UBE2J2: variants seen among roughly 807,000 people sequenced by gnomAD.
UBE2J2 encodes the protein ubiquitin-conjugating enzyme E2 J2.
UBE2J2 carries 5 observed loss-of-function variants against 28.6 expected under a neutral mutation model. The observed-to-expected ratio is 0.17, with a 90% CI of 0.09 to 0.37. The LOEUF (loss-of-function observed/expected upper bound fraction) is 0.37, where lower values mean the gene tolerates loss of function less well. Among genes scored for constraint, UBE2J2 ranks in the 10% least tolerant of loss-of-function variants. The probability of loss-of-function intolerance (pLI) is 1.00; values close to 1 mark genes in which losing one functional copy is unlikely to be tolerated. For synonymous variants in UBE2J2, 138 were observed against 139.7 expected, an observed-to-expected ratio of 0.99 and a Z score of 0.09; for missense variants, 226 against 338.9, an observed-to-expected ratio of 0.67 and a Z score of 2.62.
chr1:1,257,405 CCCCTCA>C, intron 3 of UBE2J2, 95 bp from the exon 4 acceptor site: 1 of 602,404 alleles, frequency 1.7e-6, no homozygotes, highest in South Asian at 2.2e-5. Flanking sequence ...CCCCCCCCCC[CCCCTCA>C]GCTCGGCTCC....
intron 6 of UBE2J2, 126 bp downstream of exon 6, chr1:1,255,919 T>TG: frequency 4.0e-6 from 3 of 750,858 alleles, no homozygotes; most frequent in Non-Finnish European, 4.6e-6. Context: ...TCGGGGCTCC[T>TG]GGGGGAGAGG....
In UBE2J2 at chr1:1,272,711, T is replaced by A. The variant is rs551464344; in HGVS notation, c.-1+955A>T. On this transcript the variant is annotated intron_variant, in intron 1 of 6. Transcript: ENST00000349431. ...CCTACCTGCCTGGCTCACCTGCCTGTCACTCACGCACATCCCTGCCGAGAG... is the reference window on the plus strand; with the variant it reads ...CCTACCTGCCTGGCTCACCTGCCTGACACTCACGCACATCCCTGCCGAGAG... 2.0e-4 allele frequency: 39 copies of A among 192,502 alleles called. No individual in the cohort carries two copies. In the South Asian group the frequency reaches 2.4e-3, roughly 12 times the overall value. 11.9% of individuals were successfully genotyped at this position (192,502 alleles called of 1,614,324 possible). A position where few individuals can be genotyped will look rare whatever the true frequency, so the allele number is the denominator to read the frequency against.
rs192701329 is a variant in UBE2J2, at chr1:1,256,803, G to A, written c.414+189C>T. ...TGGGAGGCTGAGACAGGAGAATGGC[G>A]TGAACCCCGGGGGGCGGAGCTTGCA... is the stretch of plus-strand genomic sequence containing the variant. On this transcript the variant is annotated intron_variant, in intron 5 of 6. Coordinates refer to ENST00000349431, the MANE Select transcript of UBE2J2 (RefSeq NM_058167.3). Among the ~76,000 whole-genome samples, 542 of 150,834 alleles carry A rather than the reference G, an allele frequency of 3.6e-3. 8 individuals carry two copies. Among genetic ancestry groups the A allele is most frequent in the African/African-American group, 0.013 (519 of 40,968 alleles).
At chr1:1,257,603 G>GCTA (rs1639280889) in intron 3 of UBE2J2, among the ~76,000 whole-genome samples, 1 of 147,756 alleles carries the variant, frequency 6.8e-6, no homozygotes, top group Admixed American at 6.8e-5. Flanking sequence ...GACAACCACA[G>GCTA]CTACTGCACA....
Position 1,273,817 on chromosome 1 carries a change from G to C in UBE2J2, c.-152C>G, listed in dbSNP as rs977157692. 6.5e-6 allele frequency: 1 copy of C among 153,694 alleles called. No individual in the cohort carries two copies. Among genetic ancestry groups the C allele is most frequent in the African/African-American group, 2.4e-5 (1 of 41,436 alleles). The allele number at this position is 153,694 out of a possible 1,614,324, so 9.5% of individuals were successfully genotyped here. ...AACCCGCCGCAGCGCCGCCGCCGCC[G>C]CCTCAGCCTCCAAGATGGCCGCTCG... is the stretch of plus-strand genomic sequence containing the variant. On this transcript the variant is annotated 5_prime_UTR_variant, in exon 1 of 7. Coordinates refer to ENST00000349431, the MANE Select transcript of UBE2J2 (RefSeq NM_058167.3).
intron 3 of UBE2J2, chr1:1,262,295 G>T: frequency 2.2e-6 from 1 of 455,634 alleles, no homozygotes; most frequent in Non-Finnish European, 4.4e-6. Flanking sequence ...CCCCAACGCT[G>T]GTCATGGGCA....
rs746483594 is a variant in UBE2J2 at position 1,255,430 on chromosome 1, G to A, written c.553C>T (p.Pro185Ser). Reference protein sequence around the residue: ...DELSSRPQTLPLPDVVPDGET... With the variant: ...DELSSRPQTLSLPDVVPDGET... ...CCGTCTGGAACCACGTCTGGCAAGG[G>A]GAGAGTCTGGGGTCTGCTACTGAGT... The change falls in exon 7 of 7, where the codon CCC (proline) becomes TCC (serine). Residue 185 changes from proline (P) to serine (S), a missense_variant. Physicochemically the swap from Pro to Ser is moderately conservative, Grantham distance 74. Around this residue, in one of 3 missense-constraint regions of UBE2J2, gnomAD observed 133 missense variants for 161.5 expected, o/e 0.82. Transcript: ENST00000349431. The A allele has an allele frequency of 1.2e-6, 2 of 1,613,928 alleles. No homozygotes were observed. The highest frequency in any genetic ancestry group is 2.2e-5 in the South Asian group (2 of 91,086).
At chr1:1,258,977 G>T (rs1328831168) in intron 3 of UBE2J2, among the ~76,000 whole-genome samples, 1 of 152,264 alleles carries the variant, frequency 6.6e-6, no homozygotes, top group East Asian at 1.9e-4. Flanking sequence ...GGCCACACCT[G>T]CATGCGTTGA....
intron 3 of UBE2J2, among the ~76,000 whole-genome samples, chr1:1,261,480 G>A (rs1225869180): frequency 6.6e-5 from 10 of 152,172 alleles, no homozygotes; most frequent in Non-Finnish European, 1.5e-4. Context: ...CCTGTTGGGG[G>A]AGCAGCTCAT....
chr1:1,271,830 C>G (rs1464622202), intron 1 of UBE2J2, among the ~76,000 whole-genome samples: 3 of 151,832 alleles, frequency 2.0e-5, no homozygotes, highest in Non-Finnish European at 4.4e-5. Context: ...CAAAATTAAT[C>G]AGGCATGGTG....
rs368951630 is a variant in UBE2J2, at chr1:1,266,603, C to T, written c.131+1259G>A. On this transcript the variant is annotated intron_variant, in intron 2 of 6. Transcript: ENST00000349431. ...CTGGGAGGCCAAGGCGGGCGGATCA[C>T]GAGGTCAGGAGATCAAGACCATCCT... Among the ~76,000 whole-genome samples the T allele has an allele frequency of 1.9e-3, 292 of 152,174 alleles. 2 individuals are homozygous for T. Among genetic ancestry groups the T allele is most frequent in the African/African-American group, 6.5e-3 (271 of 41,542 alleles).
rs60924258 is a variant in UBE2J2 at position 1,271,974 on chromosome 1, C to CAAAAA, written c.-1+1687_-1+1691dup. Among the ~76,000 whole-genome samples the CAAAAA allele has an allele frequency of 6.7e-3, 185 of 27,604 alleles. 7 individuals carry two copies. Among genetic ancestry groups the CAAAAA allele is most frequent in the African/African-American group, 0.012 (162 of 13,292 alleles). 18.1% of individuals were successfully genotyped at this position (27,604 alleles called of 152,430 possible). On this transcript the variant is annotated intron_variant, in intron 1 of 6. Transcript: ENST00000349431. ...GGGCAACAAGAGCGAAACTCCGTCT[C>CAAAAA]AAAAAAAAAAAAAAAAAAAAAAAAA...
intron 2 of UBE2J2, among the ~76,000 whole-genome samples, chr1:1,265,151 T>C (rs570665617): frequency 5.9e-5 from 9 of 152,204 alleles, no homozygotes; most frequent in Admixed American, 5.2e-4. Flanking sequence ...CCCAGCAGCC[T>C]TGGGGCGGCT....
intron 3 of UBE2J2, 159 bp downstream of exon 3, chr1:1,263,187 G>A (rs985133462): frequency 1.0e-5 from 7 of 696,270 alleles, no homozygotes; most frequent in South Asian, 4.8e-5. Flanking sequence ...TCCAGCGTGT[G>A]GAGAAGCAGA....
At chr1:1,273,519 G>C (rs975418375) in intron 1 of UBE2J2, 147 bp downstream of exon 1, 1 of 152,132 alleles carries the variant, frequency 6.6e-6, no homozygotes, top group African/African-American at 2.4e-5. Context: ...GCGCAGGCAG[G>C]CTCGGGCCGG....
chr1:1,258,243 G>A (rs549068220), intron 3 of UBE2J2, among the ~76,000 whole-genome samples: 4 of 151,898 alleles, frequency 2.6e-5, no homozygotes, highest in South Asian at 2.1e-4. Context: ...GGGTTTCACC[G>A]TGTTAGCCAG....
chr1:1,271,519 G>A (rs1640142393), intron 1 of UBE2J2: 1 of 152,136 alleles, frequency 6.6e-6, no homozygotes, highest in Admixed American at 6.6e-5. Context: ...CCTGCTTGGA[G>A]AGGCTTTTAA....
At chr1:1,257,400 C>CA (rs1231475107) in intron 3 of UBE2J2, 90 bp from the exon 4 acceptor site, 2 of 594,216 alleles carry the variant, frequency 3.4e-6, no homozygotes, top group East Asian at 7.2e-5. Flanking sequence ...GCCACCCCCC[C>CA]CCCCCCCCTC....
intron 3 of UBE2J2, among the ~76,000 whole-genome samples, chr1:1,259,809 G>T (rs367585699): frequency 3.9e-5 from 6 of 152,260 alleles, no homozygotes; most frequent in African/African-American, 1.4e-4. Context: ...GCTCGTGCCC[G>T]CTTGTATTAA....
Sources: gnomAD v4.1 joint callset for allele counts (sites outside exome capture counted in the v4.1 genomes callset) on GRCh38, gnomAD v4.1.1 for gene constraint, gnomAD v4.1.1 regional missense constraint, MANE v1.5 for transcripts, NCBI Gene and HGNC (gene_info 2026-07-23, HGNC 2026-07-21) for gene names.